The following GPNMB variants were observed in gnomAD, a reference collection of about 807,000 sequenced individuals.
GPNMB encodes the protein glycoprotein nmb, also known as transmembrane glycoprotein NMB.
Under a neutral mutation model 57.3 loss-of-function variants are expected in GPNMB, and 71 were observed. The observed-to-expected ratio is 1.24, with a 90% CI of 1.02 to 1.51. The LOEUF (loss-of-function observed/expected upper bound fraction) is 1.51, where lower values mean the gene tolerates loss of function less well. GPNMB is among the 40% of genes most tolerant of loss of function. GPNMB has a pLI of 0.00. For missense variants in GPNMB, 677 were observed against 691.9 expected (o/e 0.98, Z 0.24); for synonymous variants, 253 against 263.2 (o/e 0.96, Z 0.38).
intron 5 of GPNMB, 66 bp from the exon 6 acceptor site, chr7:23,260,390 C>T (rs898734181): frequency 2.0e-5 from 26 of 1,294,868 alleles, no homozygotes; most frequent in African/African-American, 3.0e-5. Flanking sequence ...AAAGCATCGT[C>T]GAAGCCCTCC....
intron 9 of GPNMB, 93 bp from the exon 10 acceptor site, chr7:23,273,428 G>T: frequency 1.3e-6 from 1 of 783,258 alleles, no homozygotes; most frequent in South Asian, 1.5e-5. Flanking sequence ...TATCTTCTGT[G>T]ACGGCTCCCT....
intron 6 of GPNMB, 173 bp from the exon 7 acceptor site, chr7:23,266,344 A>ATCTGTG (rs1234646966): frequency 8.0e-6 from 5 of 622,640 alleles, no homozygotes; most frequent in Non-Finnish European, 1.4e-5. Context: ...TAGCTCTCAC[A>ATCTGTG]TCTGTGTAAA....
rs773782094 is a variant in GPNMB at position 23,266,594 on chromosome 7, C to G, written c.1096C>G (p.Gln366Glu). 5 of 1,614,024 alleles carry G rather than the reference C, an allele frequency of 3.1e-6. No individual in the cohort carries two copies. The highest frequency in any genetic ancestry group is 4.2e-6 in the Non-Finnish European group (5 of 1,179,924). Residue 366 changes from glutamine to glutamate, a missense_variant, in exon 7 of 11, where the codon CAA (glutamine) becomes GAA (glutamate). Transcript: ENST00000258733. ...NCQINRYGHF[Q>E]ATITIVEGIL... ...CCAGATTAACAGATATGGCCACTTT[C>G]AAGCCACCATCACAATTGTAGGTAA...
chr7:23,262,061 C>A (rs959820414), intron 6 of GPNMB, among the ~76,000 whole-genome samples: 1 of 152,078 alleles, frequency 6.6e-6, no homozygotes, highest in Non-Finnish European at 1.5e-5. Flanking sequence ...AAGCCCACGA[C>A]GGTCCATCAT....
chr7:23,257,517 C>G (rs1194142603), intron 4 of GPNMB: 1 of 190,910 alleles, frequency 5.2e-6, no homozygotes, highest in Non-Finnish European at 1.1e-5. Context: ...ACTAAAAATA[C>G]AAAAATTAGC....
Position 23,257,010 on chromosome 7 carries a change from T to A in GPNMB, c.486T>A (p.Phe162Leu). Residue 162 changes from phenylalanine to leucine, a missense_variant, in exon 4 of 11, where the codon TTT becomes TTA. Transcript: ENST00000258733. Reference sequence around the variant, plus strand: ...ACGTCTTCCCTGATGGGAAACCTTTTCCTCACCACCCCGGATGGAGAAGAT... The same window carrying A: ...ACGTCTTCCCTGATGGGAAACCTTTACCTCACCACCCCGGATGGAGAAGAT... Reference protein sequence around the residue: ...HHNVFPDGKPFPHHPGWRRWN... With the variant: ...HHNVFPDGKPLPHHPGWRRWN... 6.2e-7 allele frequency: 1 copy of A among 1,614,200 alleles called. No homozygotes were observed. Among genetic ancestry groups the A allele is most frequent in the South Asian group, 1.1e-5 (1 of 91,090 alleles).
At chr7:23,248,479 C>G (rs1308000089) in intron 1 of GPNMB, among the ~76,000 whole-genome samples, 1 of 152,130 alleles carries the variant, frequency 6.6e-6, no homozygotes. Flanking sequence ...TTGCTCTGGA[C>G]TAAATATTCT....
At chr7:23,258,420 A>C (rs1302112969) in intron 4 of GPNMB, among the ~76,000 whole-genome samples, 1 of 152,228 alleles carries the variant, frequency 6.6e-6, no homozygotes, top group African/African-American at 2.4e-5. Flanking sequence ...TTTCACTGCC[A>C]TTACGACCCC....
rs368327612 is a variant in GPNMB at position 23,274,249 on chromosome 7, A to G, written c.*25A>G. On this transcript the variant is annotated 3_prime_UTR_variant, in exon 11 of 11. Transcript: ENST00000258733. The stretch of plus-strand genomic sequence containing the variant: ...AATTTCGACCTTGTTTCTGAAGCTC[A>G]CTTTTCAGTGCCATTGATGTGAGAT... 3.2e-5 allele frequency: 51 copies of G among 1,580,524 alleles called. No homozygotes were observed. Among genetic ancestry groups the G allele is most frequent in the East Asian group, 8.9e-5 (4 of 44,732 alleles).
At chr7:23,265,164 AC>A (rs1783027106) in intron 6 of GPNMB, among the ~76,000 whole-genome samples, 1 of 152,100 alleles carries the variant, frequency 6.6e-6, no homozygotes, top group South Asian at 2.1e-4. Flanking sequence ...TCATTTCTAG[AC>A]CTGTTCTGAG....
intron 6 of GPNMB, among the ~76,000 whole-genome samples, chr7:23,263,648 C>T (rs79830046): frequency 0.024 from 3,695 of 151,622 alleles, 142 homozygotes; most frequent in African/African-American, 0.079. Context: ...AACTAGCAAC[C>T]CCTACAAGTT....
chr7:23,247,763 A>AGGGG (rs1782567273), intron 1 of GPNMB: 2 of 152,248 alleles, frequency 1.3e-5, no homozygotes. Flanking sequence ...CCGCGCCCTA[A>AGGGG]CCCTCAGTCT....
chr7:23,253,286 T>A, intron 1 of GPNMB, 21 bp from the exon 2 acceptor site: 1 of 1,605,704 alleles, frequency 6.2e-7, no homozygotes, highest in South Asian at 1.1e-5. Flanking sequence ...AGAATGGAAT[T>A]TGTTTCGAAT....
At position 23,266,611 on chromosome 7, in the gene GPNMB, T is replaced by TGTA; in HGVS notation, c.1115_1117dup (p.Val372dup). 6.2e-7 allele frequency: 1 copy of TGTA among 1,613,602 alleles called. No homozygotes were observed. Among genetic ancestry groups the TGTA allele is most frequent in the South Asian group, 1.1e-5 (1 of 90,996 alleles). Reference sequence around the variant, plus strand: ...GCCACTTTCAAGCCACCATCACAATTGTAGGTAAGGCTGAAGATGATGACC... The same window carrying TGTA: ...GCCACTTTCAAGCCACCATCACAATTGTAGTAGGTAAGGCTGAAGATGATGACC... On this transcript the variant is annotated inframe_insertion, in exon 7 of 11. Coordinates refer to ENST00000258733, the MANE Select transcript of GPNMB (RefSeq NM_002510.3).
intron 1 of GPNMB, among the ~76,000 whole-genome samples, chr7:23,252,269 C>T (rs1184361711): frequency 6.6e-6 from 1 of 152,202 alleles, no homozygotes; most frequent in Non-Finnish European, 1.5e-5. Context: ...TGTGAATTAT[C>T]TAAACCCTGC....
intron 3 of GPNMB, among the ~76,000 whole-genome samples, chr7:23,256,644 A>G (rs558951249): frequency 8.2e-4 from 125 of 152,350 alleles, no homozygotes; most frequent in Non-Finnish European, 1.6e-3. Context: ...ATTAAATGAT[A>G]TCTCTACATT....
intron 6 of GPNMB, 109 bp downstream of exon 6, chr7:23,260,882 G>A (rs1782906924): frequency 8.8e-6 from 7 of 798,768 alleles, no homozygotes; most frequent in South Asian, 3.3e-5. Context: ...AGGACTCTGC[G>A]GTGATTCCAT....
intron 10 of GPNMB, 92 bp from the exon 11 acceptor site, chr7:23,273,973 T>A: frequency 1.0e-6 from 1 of 955,602 alleles, no homozygotes; most frequent in Non-Finnish European, 1.6e-6. Flanking sequence ...ATGGAATGAA[T>A]CCTTTTATAC....
At position 23,253,608 on chromosome 7, in the gene GPNMB, A is replaced by C. The variant is rs112804048; in HGVS notation, c.223+149A>C. On this transcript the variant is annotated intron_variant, in intron 2 of 10. Coordinates refer to ENST00000258733, the MANE Select transcript of GPNMB (RefSeq NM_002510.3). Reference sequence around the variant, plus strand: ...AGTGGGGAGGCACCTGGACTTGGCAATATTTTCTTTAGCCCAACACTATCA... The same window carrying C: ...AGTGGGGAGGCACCTGGACTTGGCACTATTTTCTTTAGCCCAACACTATCA... The C allele has an allele frequency of 2.2e-3, 1,379 of 633,234 alleles. 18 individuals are homozygous for C. In the African/African-American group the frequency reaches 0.022, roughly 10 times the overall value. The allele number at this position is 633,234 out of a possible 1,614,324, so 39.2% of individuals were successfully genotyped here. A position where few individuals can be genotyped will look rare whatever the true frequency, so the allele number is the denominator to read the frequency against.
Sources: allele counts gnomAD v4.1 joint callset (sites outside exome capture counted in the v4.1 genomes callset), GRCh38; gene constraint gnomAD v4.1.1; transcripts MANE v1.5; gene names NCBI Gene and HGNC (gene_info 2026-07-23, HGNC 2026-07-21).